FNDC1: variants seen among roughly 807,000 people sequenced by gnomAD.
FNDC1 encodes fibronectin type III domain containing 1, also known as fibronectin type III domain-containing protein 1.
FNDC1 carries 96 observed loss-of-function variants against 168.0 expected under a neutral mutation model. That is an observed-to-expected ratio of 0.57 (90% CI 0.48 to 0.68). The LOEUF (loss-of-function observed/expected upper bound fraction) is 0.68, where lower values mean the gene tolerates loss of function less well. Ranked by LOEUF, FNDC1 falls within the 30% of genes least tolerant of loss-of-function variation. FNDC1 has a pLI of 0.00. For missense variants in FNDC1, 2,587 were observed against 2,482.1 expected (o/e 1.04, Z -0.90); for synonymous variants, 1,099 against 1,025.9 (o/e 1.07, Z -1.36).
chr6:159,183,016 G>C (rs1173847387), intron 1 of FNDC1, among the ~76,000 whole-genome samples: 2 of 152,222 alleles, frequency 1.3e-5, no homozygotes, highest in East Asian at 3.8e-4. Context: ...GAATCAGGCT[G>C]GGTCATTTTG....
At chr6:159,243,534 A>AT (rs1562306067) in intron 14 of FNDC1, among the ~76,000 whole-genome samples, 1 of 152,084 alleles carries the variant, frequency 6.6e-6, no homozygotes, top group Non-Finnish European at 1.5e-5. Flanking sequence ...TTTTTCACTT[A>AT]TTTTTTTCAT....
At position 159,232,541 on chromosome 6, in the gene FNDC1, C is replaced by G. The variant is rs758371130; in HGVS notation, c.2029C>G (p.Pro677Ala). 5.0e-6 allele frequency: 8 copies of G among 1,612,390 alleles called. No individual in the cohort carries two copies. Among genetic ancestry groups the G allele is most frequent in the Middle Eastern group, 3.3e-4 (2 of 6,080 alleles). Residue 677 changes from proline to alanine, a missense_variant, in exon 11 of 23, where the codon CCG (proline) becomes GCG (alanine). Coordinates refer to ENST00000297267, the MANE Select transcript of FNDC1 (RefSeq NM_032532.3). This position sits in a 1 kb window ranked among gnomAD's most constrained non-coding sequence, Gnocchi z 4.9. ...AGCCCTGTCCCCCAGCCGCCAGTCC[C>G]CGTCCAGCGTTCTCCGCGACAGAAG... ...RPALSPSRQS[P>A]SSVLRDRSSV...
chr6:159,232,840 G>A lies in FNDC1; in HGVS notation c.2328G>A (p.Gln776=). 6.2e-7 allele frequency: 1 copy of A among 1,613,914 alleles called. No homozygotes were observed. Among genetic ancestry groups the A allele is most frequent in the Non-Finnish European group, 8.5e-7 (1 of 1,179,892 alleles). The change falls in exon 11 of 23, where the codon CAG becomes CAA. Residue 776 remains glutamine (Q), a synonymous_variant. Coordinates refer to ENST00000297267, the MANE Select transcript of FNDC1 (RefSeq NM_032532.3). This position sits in a 1 kb window ranked among gnomAD's most constrained non-coding sequence, Gnocchi z 4.9. ...SVSSHLSSRT[Q]VSEGAEASDG... ...CTTCTCATCTCTCGTCCAGGACGCA[G>A]GTCTCTGAGGGAGCGGAGGCTTCTG...
rs753366471 is a variant in FNDC1, at chr6:159,232,531, C to G, written c.2019C>G (p.Ser673Arg). Residue 673 changes from serine to arginine, a missense_variant, in exon 11 of 23, where the codon AGC becomes AGG. Ser to Arg is a moderately radical substitution (Grantham distance 110). Coordinates refer to ENST00000297267, the MANE Select transcript of FNDC1 (RefSeq NM_032532.3). The surrounding 1 kb of genome is among the most constrained non-coding windows in gnomAD (Gnocchi z 4.9). ...FAQPRPALSP[S>R]RQSPSSVLRD... is the part of the protein sequence containing the mutation. ...AGCCCCGGCCAGCCCTGTCCCCCAG[C>G]CGCCAGTCCCCGTCCAGCGTTCTCC... 1 of 1,612,382 alleles carries G rather than the reference C, an allele frequency of 6.2e-7. No homozygotes were observed. Among genetic ancestry groups the G allele is most frequent in the South Asian group, 1.1e-5 (1 of 90,910 alleles).
intron 10 of FNDC1, among the ~76,000 whole-genome samples, chr6:159,230,225 A>G (rs544318862): frequency 3.3e-5 from 5 of 152,224 alleles, no homozygotes; most frequent in Non-Finnish European, 7.3e-5. Context: ...CTATTTCAGT[A>G]TTATTAATGT....
intron 3 of FNDC1, 149 bp downstream of exon 3, chr6:159,200,231 T>C: frequency 6.0e-6 from 4 of 670,468 alleles, no homozygotes; most frequent in South Asian, 5.9e-5. Context: ...AGCTGACAGA[T>C]TGAAAAGTGG....
rs146881687 is a variant in FNDC1, at chr6:159,248,794, C to G, written c.4691-245C>G. Among the ~76,000 whole-genome samples, 698 of 152,232 alleles carry G rather than the reference C, an allele frequency of 4.6e-3. 10 individuals carry two copies. The highest frequency in any genetic ancestry group is 0.016 in the African/African-American group (663 of 41,550). ...CCCATTTTTCTGGTCATATGTGTTT[C>G]TTTTTGCCCTTTCTTTCTTCTGTCT... On this transcript the variant is annotated intron_variant, in intron 15 of 22. Transcript: ENST00000297267.
chr6:159,249,260 G>A, intron 16 of FNDC1, 78 bp downstream of exon 16: 1 of 1,422,402 alleles, frequency 7.0e-7, no homozygotes, highest in Non-Finnish European at 9.5e-7. Flanking sequence ...CTAATCTTTT[G>A]GCCTCGCCAA....
chr6:159,229,755 C>A, intron 9 of FNDC1, 60 bp from the exon 10 acceptor site: 1 of 1,478,776 alleles, frequency 6.8e-7, no homozygotes, highest in South Asian at 1.2e-5. Flanking sequence ...TACAGTCTGT[C>A]TGCTGGACAC....
intron 6 of FNDC1, among the ~76,000 whole-genome samples, chr6:159,222,569 C>A (rs1474768458): frequency 6.6e-6 from 1 of 152,184 alleles, no homozygotes; most frequent in Non-Finnish European, 1.5e-5. Context: ...TTGAAGACAT[C>A]TTGTGAGTCT....
At chr6:159,230,110 T>G (rs1377803364) in intron 10 of FNDC1, 107 bp downstream of exon 10, 2 of 981,310 alleles carry the variant, frequency 2.0e-6, no homozygotes, top group Non-Finnish European at 2.9e-6. Context: ...CAGCAGATGA[T>G]TTTTCCAGGC....
intron 21 of FNDC1, 109 bp from the exon 22 acceptor site, chr6:159,267,695 T>C: frequency 8.8e-7 from 1 of 1,139,422 alleles, no homozygotes; most frequent in Non-Finnish European, 1.3e-6. Flanking sequence ...ACACACAGTT[T>C]AAGTAATATG....
At chr6:159,269,567 CATCT>C (rs1490755178) in intron 22 of FNDC1, among the ~76,000 whole-genome samples, 10 of 140,328 alleles carry the variant, frequency 7.1e-5, no homozygotes, top group African/African-American at 2.5e-4. Flanking sequence ...TCCATCCATC[CATCT>C]ATCCTATCTG....
At chr6:159,260,761 T>C (rs1425715880) in intron 18 of FNDC1, among the ~76,000 whole-genome samples, 1 of 152,206 alleles carries the variant, frequency 6.6e-6, no homozygotes, top group Non-Finnish European at 1.5e-5. Context: ...TTCTGCTTTG[T>C]AGTGTTTTGC....
At chr6:159,196,648 G>A (rs1280144506) in intron 1 of FNDC1, among the ~76,000 whole-genome samples, 1 of 152,106 alleles carries the variant, frequency 6.6e-6, no homozygotes, top group African/African-American at 2.4e-5. Flanking sequence ...CCCTAGATTT[G>A]TTTGACTGTT....
intron 22 of FNDC1, 81 bp from the exon 23 acceptor site, chr6:159,271,246 C>G (rs1777738769): frequency 2.2e-6 from 2 of 898,258 alleles, no homozygotes; most frequent in Non-Finnish European, 3.6e-6. Context: ...GGCCTTCTGT[C>G]TGAAGGAGGC....
chr6:159,267,721 C>T, intron 21 of FNDC1, 83 bp from the exon 22 acceptor site: 1 of 1,478,022 alleles, frequency 6.8e-7, no homozygotes, highest in Non-Finnish European at 9.3e-7. Flanking sequence ...TTCAAACAGT[C>T]TCCAAAGCTT....
At chr6:159,219,606 G>A (rs1284058835) in intron 5 of FNDC1, among the ~76,000 whole-genome samples, 1 of 152,146 alleles carries the variant, frequency 6.6e-6, no homozygotes, top group African/African-American at 2.4e-5. Context: ...ATGAAGATGC[G>A]CGCGTGAGAA....
At chr6:159,252,058 C>G (rs1777280189) in intron 17 of FNDC1, among the ~76,000 whole-genome samples, 1 of 152,142 alleles carries the variant, frequency 6.6e-6, no homozygotes, top group South Asian at 2.1e-4. Flanking sequence ...CTTCTCAGTT[C>G]CTTATGTGGG....
Sources: allele counts gnomAD v4.1 joint callset (sites outside exome capture counted in the v4.1 genomes callset), GRCh38; gene constraint gnomAD v4.1.1; non-coding constraint Gnocchi (gnomAD v3.1); transcripts MANE v1.5; gene names NCBI Gene and HGNC (gene_info 2026-07-23, HGNC 2026-07-21).